ABR: variants seen among roughly 807,000 people sequenced by gnomAD.
ABR encodes the protein ABR activator of RhoGEF and GTPase, also known as active breakpoint cluster region-related protein.
A neutral mutation model predicts 107.2 loss-of-function variants in ABR; 35 were observed. The observed-to-expected ratio is 0.33, with a 90% CI of 0.25 to 0.43. The LOEUF (loss-of-function observed/expected upper bound fraction) is 0.43. Ranked by LOEUF, ABR falls within the 20% of genes least tolerant of loss-of-function variation. The pLI, the probability that ABR is intolerant of heterozygous loss-of-function variation, is 1.00. For missense variants in ABR, 815 were observed against 1,115.2 expected, an observed-to-expected ratio of 0.73 and a Z score of 3.83; for synonymous variants, 498 against 462.0, an observed-to-expected ratio of 1.08 and a Z score of -1.00.
At chr17:1,132,442 G>A (rs889071154) in intron 1 of ABR, among the ~76,000 whole-genome samples, 1 of 143,676 alleles carries the variant, frequency 7.0e-6, no homozygotes, top group Admixed American at 7.4e-5. Context: ...GCATTGGCAC[G>A]ATCTCAGCTC....
Position 1,216,993 on chromosome 17 carries a change from C to T in ABR, c.838+11800G>A, listed in dbSNP as rs556651572. ...TGGTGAGCTGTGCTCAGAGAGCCAG[C>T]GGATGCCAGCCCAGCCTGCTGCCTA... is the stretch of plus-strand genomic sequence containing the variant. On this transcript the variant is annotated intron_variant, in intron 1 of 22. Transcript: ENST00000574139. Among the ~76,000 whole-genome samples, 21 of 152,260 alleles carry T rather than the reference C, an allele frequency of 1.4e-4. No individual in the cohort carries two copies. In the East Asian group the frequency reaches 2.1e-3, roughly 15 times the overall value.
At chr17:1,167,737 C>A (rs545086598) in intron 1 of ABR, among the ~76,000 whole-genome samples, 1 of 152,350 alleles carries the variant, frequency 6.6e-6, no homozygotes, top group Admixed American at 6.5e-5. Context: ...GCAGAGAGGA[C>A]AATGTCTGGC....
intron 16 of ABR, among the ~76,000 whole-genome samples, chr17:1,045,372 TC>T (rs1475080281): frequency 3.8e-5 from 5 of 130,824 alleles, no homozygotes; most frequent in Admixed American, 8.9e-5. Context: ...AGCAGGACAA[TC>T]TTCCGTCTTC....
In ABR at chr17:1,179,717, A is replaced by G; in HGVS notation, c.11T>C (p.Leu4Pro). 6.5e-7 allele frequency: 1 copy of G among 1,545,716 alleles called. No homozygotes were observed. Among genetic ancestry groups the G allele is most frequent in the Non-Finnish European group, 8.7e-7 (1 of 1,145,152 alleles). ...CAGGCGCGGCAGGCCCCGGTGGCTG[A>G]GCGGCTCCATCCCGCGGCGGCGGCT... MEP[L>P]SHRGLPRLSW... Residue 4 changes from leucine to proline, a missense_variant, in exon 1 of 23, where the codon CTC (leucine) becomes CCC (proline). This residue lies in a region of ABR where 129 missense variants were observed against 124.8 expected (regional missense o/e 1.03). Coordinates refer to ENST00000302538, the MANE Select transcript of ABR (RefSeq NM_021962.5). This position sits in a 1 kb window ranked among gnomAD's most constrained non-coding sequence, Gnocchi z 4.9.
rs1400575857 is a variant in ABR at position 1,078,338 on chromosome 17, C to T, written c.700+992G>A. Among the ~76,000 whole-genome samples, 1 of 152,156 alleles carries T rather than the reference C, an allele frequency of 6.6e-6. No homozygotes were observed. The highest frequency in any genetic ancestry group is 2.4e-5 in the African/African-American group (1 of 41,442). On this transcript the variant is annotated intron_variant, in intron 6 of 22. Coordinates refer to ENST00000302538, the MANE Select transcript of ABR (RefSeq NM_021962.5). This position sits in a 1 kb window ranked among gnomAD's most constrained non-coding sequence, Gnocchi z 7.5. Reference sequence around the variant, plus strand: ...CGTGCCGCCCAGCCTCCGCGCCTCTCTCCAGAAACAAAGAAACTCCCAACT... The same window carrying T: ...CGTGCCGCCCAGCCTCCGCGCCTCTTTCCAGAAACAAAGAAACTCCCAACT...
chr17:1,142,563 C>T (rs1404093779), intron 1 of ABR, among the ~76,000 whole-genome samples: 1 of 147,726 alleles, frequency 6.8e-6, no homozygotes, highest in Non-Finnish European at 1.5e-5. Context: ...CCAGCCTGGG[C>T]GATAAGAGCG....
intron 1 of ABR, among the ~76,000 whole-genome samples, chr17:1,139,230 A>G (rs1189176932): frequency 6.6e-6 from 1 of 152,142 alleles, no homozygotes; most frequent in Non-Finnish European, 1.5e-5. Flanking sequence ...TAGGCAGAAA[A>G]AAAAAGAGGT....
intron 2 of ABR, among the ~76,000 whole-genome samples, chr17:1,124,632 T>A (rs2039508436): frequency 6.6e-6 from 1 of 152,254 alleles, no homozygotes; most frequent in Non-Finnish European, 1.5e-5. Context: ...TCTACAATGC[T>A]TCTCTCTGGA....
In ABR at chr17:1,148,893, TTTTTTG is replaced by T. The variant is rs994533415; in HGVS notation, c.62-23532_62-23527del. 1.2e-4 allele frequency among the ~76,000 whole-genome samples: 18 copies of T among 152,176 alleles called. No homozygotes were observed. Among genetic ancestry groups the T allele is most frequent in the South Asian group, 4.2e-4 (2 of 4,816 alleles). On this transcript the variant is annotated intron_variant, in intron 1 of 22. Coordinates refer to ENST00000302538, the MANE Select transcript of ABR (RefSeq NM_021962.5). This position sits in a 1 kb window ranked among gnomAD's most constrained non-coding sequence, Gnocchi z 4.9. Reference sequence around the variant, plus strand: ...TGTATTTTGCCATGATTTTCTTTTGTTTTTTGTTTTTGTTTTTGTTTTTTTTGAGAC... The same window carrying T: ...TGTATTTTGCCATGATTTTCTTTTGTTTTTTGTTTTTGTTTTTTTTGAGAC...
chr17:1,084,091 G>A lies in ABR; in HGVS notation c.532-464C>T, dbSNP rs1180525430. Among the ~76,000 whole-genome samples, 16 of 152,186 alleles carry A rather than the reference G, an allele frequency of 1.1e-4. No individual in the cohort carries two copies. The highest frequency in any genetic ancestry group is 2.1e-4 in the South Asian group (1 of 4,826). On this transcript the variant is annotated intron_variant, in intron 4 of 22. Coordinates refer to ENST00000302538, the MANE Select transcript of ABR (RefSeq NM_021962.5). The surrounding 1 kb of genome is among the most constrained non-coding windows in gnomAD (Gnocchi z 4.2). ...CCTCCCCACGTGCAGCGTGGGGAAC[G>A]ACATTTAAAGGTGCTGTCTTGGCCG... is the stretch of plus-strand genomic sequence containing the variant.
upstream of ABR, among the ~76,000 whole-genome samples, chr17:1,188,070 C>A (rs778162956): frequency 6.6e-6 from 1 of 151,836 alleles, no homozygotes; most frequent in Non-Finnish European, 1.5e-5. Flanking sequence ...ACAAAATTAG[C>A]CGGACATGGT....
At chr17:1,099,933 G>C (rs1456636772) in intron 3 of ABR, among the ~76,000 whole-genome samples, 1 of 152,114 alleles carries the variant, frequency 6.6e-6, no homozygotes, top group African/African-American at 2.4e-5. Context: ...TTGGAAACCA[G>C]CCTGGCCAAC....
rs1307588190 is a variant in ABR at position 1,047,071 on chromosome 17, C to T, written c.1791+2979G>A. Among the ~76,000 whole-genome samples the T allele has an allele frequency of 1.3e-5, 2 of 152,216 alleles. 1 individual carries two copies. Among genetic ancestry groups the T allele is most frequent in the East Asian group, 3.9e-4 (2 of 5,192 alleles). ...CAGCAGCAAATGCCTGCGCTTAGGC[C>T]GTAGGGCCCCTTGCTTTCTCTGGAT... On this transcript the variant is annotated intron_variant, in intron 16 of 22. Transcript: ENST00000302538.
chr17:1,030,578 G>A (rs984190791), intron 16 of ABR, among the ~76,000 whole-genome samples: 2 of 152,222 alleles, frequency 1.3e-5, no homozygotes, highest in African/African-American at 2.4e-5. Flanking sequence ...ACTTTCCAGG[G>A]CTGATGTCAC....
intron 1 of ABR, among the ~76,000 whole-genome samples, chr17:1,219,755 AAAAAT>A: frequency 7.1e-6 from 1 of 140,038 alleles, no homozygotes; most frequent in East Asian, 2.2e-4. Flanking sequence ...CATGCCCCAA[AAAAAT>A]AAAATAAAAT....
intron 2 of ABR, among the ~76,000 whole-genome samples, chr17:1,121,348 T>C (rs8070222): frequency 0.076 from 11,517 of 152,298 alleles, 1,122 homozygotes; most frequent in African/African-American, 0.22. Flanking sequence ...GCAGCAGATA[T>C]TGATCAGACT....
chr17:1,168,587 C>A (rs1025183320), intron 1 of ABR, among the ~76,000 whole-genome samples: 1 of 152,188 alleles, frequency 6.6e-6, no homozygotes, highest in Non-Finnish European at 1.5e-5. Flanking sequence ...AAAGGCAATG[C>A]CCCACTGAAC....
At chr17:1,042,709 C>CGGAT (rs1209510387) in intron 16 of ABR, among the ~76,000 whole-genome samples, 4 of 149,772 alleles carry the variant, frequency 2.7e-5, no homozygotes, top group Admixed American at 1.3e-4. Context: ...CCTACATCCA[C>CGGAT]GGATGGATGG....
rs2035125804 is a variant in ABR at position 1,070,351 on chromosome 17, C to T, written c.895-261G>A. On this transcript the variant is annotated intron_variant, in intron 8 of 22. Transcript: ENST00000302538. This position sits in a 1 kb window ranked among gnomAD's most constrained non-coding sequence, Gnocchi z 4.2. ...AGATTCACCTTCTGTTAAGTGCGGA[C>T]AGTGAGGTCTGCCTCATAAGGTGAC... is the stretch of plus-strand genomic sequence containing the variant. Among the ~76,000 whole-genome samples, 1 of 152,194 alleles carries T rather than the reference C, an allele frequency of 6.6e-6. No individual in the cohort carries two copies. The highest frequency in any genetic ancestry group is 1.5e-5 in the Non-Finnish European group (1 of 68,034).
Sources: allele counts gnomAD v4.1 joint callset (sites outside exome capture counted in the v4.1 genomes callset), GRCh38; gene constraint gnomAD v4.1.1; regional missense constraint gnomAD v4.1.1; non-coding constraint Gnocchi (gnomAD v3.1); transcripts MANE v1.5; gene names NCBI Gene and HGNC (gene_info 2026-07-23, HGNC 2026-07-21).